FAM167A: variants seen among roughly 807,000 people sequenced by gnomAD.
The protein encoded by FAM167A is protein FAM167A.
FAM167A carries 23 observed loss-of-function variants against 14.9 expected under a neutral mutation model. That is an observed-to-expected ratio of 1.55 (90% CI 1.11 to 2.19). The LOEUF (loss-of-function observed/expected upper bound fraction) is 2.19. Among genes scored for constraint, FAM167A ranks in the 30% most tolerant of loss-of-function variants. FAM167A has a pLI of 0.00. For missense variants in FAM167A, 401 were observed against 281.5 expected (o/e 1.42, Z -3.04); for synonymous variants, 174 against 117.7 (o/e 1.48, Z -3.10).
chr8:11,430,178 C>A (rs1275350447), intron 2 of FAM167A, among the ~76,000 whole-genome samples: 1 of 152,210 alleles, frequency 6.6e-6, no homozygotes, highest in Non-Finnish European at 1.5e-5. Flanking sequence ...AGAACAAAAG[C>A]ACTTGCTGAA....
intron 2 of FAM167A, among the ~76,000 whole-genome samples, chr8:11,435,615 A>G (rs994793358): frequency 6.6e-6 from 1 of 152,084 alleles, no homozygotes; most frequent in Non-Finnish European, 1.5e-5. Context: ...ACCCTCTGGG[A>G]TCTCCCACTG....
At chr8:11,436,377 C>T (rs1806014827) in intron 2 of FAM167A, among the ~76,000 whole-genome samples, 1 of 152,238 alleles carries the variant, frequency 6.6e-6, no homozygotes, top group Non-Finnish European at 1.5e-5. Flanking sequence ...AGTCCCAGGA[C>T]TGCTGCCCCT....
At chr8:11,473,415 G>T (rs1808022321) in intron 1 of FAM167A, among the ~76,000 whole-genome samples, 1 of 152,118 alleles carries the variant, frequency 6.6e-6, no homozygotes, top group Non-Finnish European at 1.5e-5. Context: ...CACCAGTGCT[G>T]GGGGGGATTT....
rs912905193 is a variant in FAM167A, at chr8:11,422,215, C to T, written c.*2158G>A. 2 of 175,722 alleles carry T rather than the reference C, an allele frequency of 1.1e-5. No homozygotes were observed. The highest frequency in any genetic ancestry group is 2.4e-5 in the African/African-American group (1 of 42,412). 10.9% of individuals were successfully genotyped at this position (175,722 alleles called of 1,614,324 possible). ...CTGACTACATTCAGCTAAATCTTTC[C>T]ATTTTCGCTGAACCCAATGGTTTCG... On this transcript the variant is annotated 3_prime_UTR_variant, in exon 3 of 3. Transcript: ENST00000284486.
rs560065892 is a variant in FAM167A at position 11,435,034 on chromosome 8, C to G, written c.381+8997G>C. ...GGCCTCCTCCCTGCCTGCCTCCCCC[C>G]CTCACTCAATCTGTCTCCACTCAAG... On this transcript the variant is annotated intron_variant, in intron 2 of 2. Transcript: ENST00000284486. The G allele has an allele frequency of 3.1e-5, 14 of 456,876 alleles. No individual in the cohort carries two copies. In the East Asian group the frequency reaches 5.6e-4, roughly 18 times the overall value. 28.3% of individuals were successfully genotyped at this position (456,876 alleles called of 1,614,324 possible).
At chr8:11,446,205 C>T (rs1054254948) in intron 1 of FAM167A, among the ~76,000 whole-genome samples, 2 of 152,142 alleles carry the variant, frequency 1.3e-5, no homozygotes, top group African/African-American at 2.4e-5. Flanking sequence ...GGCACGCAGA[C>T]GCTTAAGAAA....
At chr8:11,470,002 C>T (rs1254624600), upstream of FAM167A, among the ~76,000 whole-genome samples, 1 of 152,256 alleles carries the variant, frequency 6.6e-6, no homozygotes, top group East Asian at 1.9e-4. Context: ...GTATTAGTAC[C>T]ACTAAATACC....
chr8:11,443,022 C>T (rs951715877), intron 2 of FAM167A, among the ~76,000 whole-genome samples: 3 of 152,226 alleles, frequency 2.0e-5, no homozygotes, highest in Non-Finnish European at 2.9e-5. Flanking sequence ...TCAGCCTACC[C>T]AGCTGACCCA....
chr8:11,456,608 G>T (rs1014726212), intron 1 of FAM167A, among the ~76,000 whole-genome samples: 1 of 150,592 alleles, frequency 6.6e-6, no homozygotes, highest in Non-Finnish European at 1.5e-5. Flanking sequence ...TAGCTGCCCT[G>T]CTAGGTGTGT....
chr8:11,446,376 C>T (rs1186012719), intron 1 of FAM167A: 1 of 152,230 alleles, frequency 6.6e-6, no homozygotes, highest in South Asian at 2.1e-4. Flanking sequence ...TCCACCCCAA[C>T]TGGTAAGCAG....
At chr8:11,437,939 T>G (rs938236649) in intron 2 of FAM167A, 2 of 274,030 alleles carry the variant, frequency 7.3e-6, no homozygotes, top group Non-Finnish European at 1.5e-5. Flanking sequence ...AGCACGGCCC[T>G]CAGCTCACCA....
intron 2 of FAM167A, among the ~76,000 whole-genome samples, chr8:11,443,452 AG>A (rs1475954900): frequency 6.6e-6 from 1 of 152,122 alleles, no homozygotes; most frequent in East Asian, 1.9e-4. Context: ...GCTTCTCCCC[AG>A]GCAGGACCCA....
intron 2 of FAM167A, among the ~76,000 whole-genome samples, chr8:11,436,297 C>G (rs1469073779): frequency 1.3e-5 from 2 of 152,232 alleles, no homozygotes; most frequent in African/African-American, 2.4e-5. Context: ...CACTAGGGGC[C>G]AAGGCCTTCC....
intron 2 of FAM167A, among the ~76,000 whole-genome samples, chr8:11,430,624 G>C (rs1805517129): frequency 6.6e-6 from 1 of 152,184 alleles, no homozygotes; most frequent in Non-Finnish European, 1.5e-5. Flanking sequence ...AAGAGAGAGA[G>C]CCAGGTTGTT....
At chr8:11,445,899 C>T (rs1806756080) in intron 1 of FAM167A, among the ~76,000 whole-genome samples, 1 of 150,928 alleles carries the variant, frequency 6.6e-6, no homozygotes, top group Non-Finnish European at 1.5e-5. Context: ...TGAGATAAAG[C>T]TTAAATGAAG....
chr8:11,431,778 C>A (rs191699119), intron 2 of FAM167A, among the ~76,000 whole-genome samples: 1 of 151,076 alleles, frequency 6.6e-6, no homozygotes, highest in African/African-American at 2.4e-5. Context: ...TTGTCTCTAG[C>A]CTGAGTGACA....
chr8:11,460,824 A>G (rs1471804361), intron 1 of FAM167A, among the ~76,000 whole-genome samples: 2 of 151,926 alleles, frequency 1.3e-5, no homozygotes, highest in Admixed American at 1.3e-4. Context: ...TGAACCCTGC[A>G]TCTATTGTCT....
rs1352452961 is a variant in FAM167A at position 11,446,266 on chromosome 8, T to C, written c.-397-1458A>G. 9.9e-5 allele frequency: 15 copies of C among 152,078 alleles called. No homozygotes were observed. In the East Asian group the frequency reaches 2.9e-3, roughly 29 times the overall value. 9.4% of individuals were successfully genotyped at this position (152,078 alleles called of 1,614,324 possible). On this transcript the variant is annotated intron_variant, in intron 1 of 2. Coordinates refer to ENST00000284486, the MANE Select transcript of FAM167A (RefSeq NM_053279.3). ...CGTTTTCCTCAGCCCCAGCCTGTGGTGGGGATGTGAATGGAGGACGTCCTG... is the reference window on the plus strand; with the variant it reads ...CGTTTTCCTCAGCCCCAGCCTGTGGCGGGGATGTGAATGGAGGACGTCCTG...
At chr8:11,449,136 T>C (rs1806917145) in intron 1 of FAM167A, among the ~76,000 whole-genome samples, 2 of 151,796 alleles carry the variant, frequency 1.3e-5, no homozygotes, top group Non-Finnish European at 1.5e-5. Context: ...CCGCGAGGAG[T>C]TGCTCAAGCA....
Sources: gnomAD v4.1 joint callset for allele counts (sites outside exome capture counted in the v4.1 genomes callset) on GRCh38, gnomAD v4.1.1 for gene constraint, MANE v1.5 for transcripts, NCBI Gene and HGNC (gene_info 2026-07-23, HGNC 2026-07-21) for gene names.